Variants in CHRM2 observed in about 807,000 individuals in gnomAD.
CHRM2 encodes cholinergic receptor muscarinic 2.
Under a neutral mutation model 25.0 loss-of-function variants are expected in CHRM2, and 8 were observed. The ratio of observed to expected loss-of-function variants is 0.32; its 90% CI spans 0.19 to 0.58. CHRM2 has a LOEUF of 0.58. CHRM2 is among the 20% of genes least tolerant of loss of function. The pLI, the probability that CHRM2 is intolerant of heterozygous loss-of-function variation, is 0.88. For missense variants in CHRM2, 440 were observed against 567.1 expected (o/e 0.78, Z 2.28); for synonymous variants, 202 against 205.7 (o/e 0.98, Z 0.15).
chr7:136,959,611 T>A (rs1007954343), intron 2 of CHRM2, among the ~76,000 whole-genome samples: 1 of 152,130 alleles, frequency 6.6e-6, no homozygotes, highest in Non-Finnish European at 1.5e-5. Flanking sequence ...CCAAAGCATA[T>A]GTTAAGAAGG....
chr7:136,989,874 G>C (rs1407162370), intron 2 of CHRM2, among the ~76,000 whole-genome samples: 1 of 152,054 alleles, frequency 6.6e-6, no homozygotes, highest in East Asian at 1.9e-4. Flanking sequence ...CATGAAGTCT[G>C]AGTTTCTTAA....
intron 2 of CHRM2, among the ~76,000 whole-genome samples, chr7:136,906,051 A>T (rs1797520488): frequency 2.0e-5 from 3 of 151,168 alleles, no homozygotes; most frequent in Non-Finnish European, 4.4e-5. Flanking sequence ...TATTTAAAAA[A>T]TTTTGTTACG....
chr7:136,997,121 C>T (rs1803656695), intron 3 of CHRM2, among the ~76,000 whole-genome samples: 1 of 152,164 alleles, frequency 6.6e-6, no homozygotes, highest in Admixed American at 6.6e-5. Context: ...CTTTGCTCTT[C>T]AATCCCTTGC....
At chr7:136,990,035 C>G (rs1803115150) in intron 2 of CHRM2, among the ~76,000 whole-genome samples, 2 of 152,118 alleles carry the variant, frequency 1.3e-5, no homozygotes, top group Admixed American at 6.6e-5. Context: ...AGATTATTCT[C>G]TGCTGCATCA....
intron 2 of CHRM2, among the ~76,000 whole-genome samples, chr7:136,971,618 CA>C (rs10708408): frequency 0.35 from 32,961 of 93,166 alleles, 2,837 homozygotes; most frequent in Middle Eastern, 0.47. Flanking sequence ...CTCTGTTTCA[CA>C]AAAAAAAAAA....
intron 3 of CHRM2, among the ~76,000 whole-genome samples, chr7:137,013,141 G>A (rs912405556): frequency 1.5e-4 from 22 of 151,652 alleles, no homozygotes; most frequent in African/African-American, 3.4e-4. Flanking sequence ...ATTTTCTATC[G>A]TGCAATTTAC....
intron 3 of CHRM2, among the ~76,000 whole-genome samples, chr7:137,003,485 C>T (rs1318097088): frequency 0.063 from 62 of 980 alleles, 2 homozygotes; most frequent in African/African-American, 0.17. Context: ...CACACACACA[C>T]ACACACACAC....
chr7:136,975,521 T>C (rs1445818523), intron 2 of CHRM2, among the ~76,000 whole-genome samples: 1 of 152,138 alleles, frequency 6.6e-6, no homozygotes, highest in African/African-American at 2.4e-5. Context: ...AGATTTTACT[T>C]TTTAGGTTGG....
intron 2 of CHRM2, among the ~76,000 whole-genome samples, chr7:136,936,273 T>C (rs1799404022): frequency 6.6e-6 from 1 of 152,156 alleles, no homozygotes; most frequent in South Asian, 2.1e-4. Flanking sequence ...GATAAAGCCT[T>C]TGCCTCTGAT....
chr7:136,870,326 C>G (rs904608942), intron 2 of CHRM2: 1 of 152,540 alleles, frequency 6.6e-6, no homozygotes, highest in African/African-American at 2.4e-5. Context: ...CGGACACGGA[C>G]AGGTGCGGTC....
chr7:136,897,130 C>CAA (rs371077556), intron 2 of CHRM2, among the ~76,000 whole-genome samples: 9 of 76,356 alleles, frequency 1.2e-4, no homozygotes, highest in South Asian at 4.3e-4. Flanking sequence ...GTAGGTTGGC[C>CAA]AAAAAAAAAA....
At chr7:136,969,950 T>A (rs992940361) in intron 2 of CHRM2, among the ~76,000 whole-genome samples, 10 of 152,176 alleles carry the variant, frequency 6.6e-5, no homozygotes, top group African/African-American at 2.2e-4. Flanking sequence ...TTAGGCCAAT[T>A]CAGTTCCTGG....
At chr7:136,921,929 G>A (rs1798471284) in intron 2 of CHRM2, among the ~76,000 whole-genome samples, 1 of 151,686 alleles carries the variant, frequency 6.6e-6, no homozygotes, top group South Asian at 2.1e-4. Context: ...CGCATGCCTG[G>A]CTAATTTTTG....
At chr7:136,907,346 C>T (rs903116664) in intron 2 of CHRM2, among the ~76,000 whole-genome samples, 13 of 151,868 alleles carry the variant, frequency 8.6e-5, no homozygotes, top group South Asian at 2.1e-4. Context: ...AGTGAAGGCA[C>T]GAACAACAGT....
intron 2 of CHRM2, among the ~76,000 whole-genome samples, chr7:136,876,422 C>A (rs1563039150): frequency 6.6e-6 from 1 of 152,044 alleles, no homozygotes; most frequent in Non-Finnish European, 1.5e-5. Flanking sequence ...AAACCAAATG[C>A]CCTGATGTTT....
intron 2 of CHRM2, among the ~76,000 whole-genome samples, chr7:136,982,230 C>T (rs1467328767): frequency 2.6e-5 from 4 of 151,922 alleles, no homozygotes; most frequent in Non-Finnish European, 4.4e-5. Flanking sequence ...ATCTTTGTTG[C>T]GTTAAAGTCT....
chr7:137,005,515 T>C (rs1195618431), intron 3 of CHRM2, among the ~76,000 whole-genome samples: 1 of 152,114 alleles, frequency 6.6e-6, no homozygotes, highest in Non-Finnish European at 1.5e-5. Flanking sequence ...CATCCTGGTC[T>C]ATTCTTCAGA....
At chr7:136,917,690 C>T (rs888811555) in intron 2 of CHRM2, among the ~76,000 whole-genome samples, 14 of 151,998 alleles carry the variant, frequency 9.2e-5, no homozygotes, top group African/African-American at 3.4e-4. Context: ...TCACCATCTC[C>T]CCAGAAAATA....
intron 2 of CHRM2, among the ~76,000 whole-genome samples, chr7:136,923,002 T>C (rs1798535565): frequency 6.6e-6 from 1 of 152,210 alleles, no homozygotes; most frequent in African/African-American, 2.4e-5. Flanking sequence ...GGTGCTGTTA[T>C]GATTAAATAA....
Sources: allele counts gnomAD v4.1 joint callset (sites outside exome capture counted in the v4.1 genomes callset), GRCh38; gene constraint gnomAD v4.1.1; transcripts MANE v1.5; gene names NCBI Gene and HGNC (gene_info 2026-07-23, HGNC 2026-07-21).